Variants in TMCC1 observed in about 807,000 individuals in gnomAD.
TMCC1 encodes the protein transmembrane and coiled-coil domains protein 1.
Under a neutral mutation model 52.4 loss-of-function variants are expected in TMCC1, and 15 were observed. The ratio of observed to expected loss-of-function variants is 0.29; its 90% CI spans 0.19 to 0.44. The LOEUF is 0.44. Ranked by LOEUF, TMCC1 falls within the 20% of genes least tolerant of loss-of-function variation. The pLI, the probability that TMCC1 is intolerant of heterozygous loss-of-function variation, is 1.00. For synonymous variants in TMCC1, 279 were observed against 301.9 expected, an observed-to-expected ratio of 0.92 and a Z score of 0.79; for missense variants, 503 against 806.0, an observed-to-expected ratio of 0.62 and a Z score of 4.55.
intron 4 of TMCC1, among the ~76,000 whole-genome samples, chr3:129,804,247 T>G (rs965304863): frequency 3.9e-5 from 6 of 152,228 alleles, no homozygotes; most frequent in Non-Finnish European, 8.8e-5. Flanking sequence ...TAATACTTCT[T>G]GCCTTAAAGT....
chr3:129,671,339 T>C (rs1416474098), intron 4 of TMCC1, 75 bp from the exon 5 acceptor site: 3 of 1,418,586 alleles, frequency 2.1e-6, no homozygotes, highest in Non-Finnish European at 2.8e-6. Flanking sequence ...CCAAAATGTA[T>C]TGGAAATGTG....
chr3:129,648,194 A>G lies in TMCC1; in HGVS notation c.*3287T>C, dbSNP rs772610127. On this transcript the variant is annotated 3_prime_UTR_variant, in exon 7 of 7. Transcript: ENST00000393238. ...GTTTTGTTTTAGTTGCATATTTTCC[A>G]AAGCTGAAAGGCAGCTCCTCATTGG... 1 of 152,258 alleles carries G rather than the reference A, an allele frequency of 6.6e-6. No individual in the cohort carries two copies. The highest frequency in any genetic ancestry group is 2.4e-5 in the African/African-American group (1 of 41,456). The allele number at this position is 152,258 out of a possible 1,614,324, so 9.4% of individuals were successfully genotyped here.
chr3:129,769,418 C>T (rs552200098), intron 4 of TMCC1, among the ~76,000 whole-genome samples: 11 of 151,950 alleles, frequency 7.2e-5, no homozygotes, highest in African/African-American at 1.9e-4. Context: ...TTAGTAGAGA[C>T]GGGGTTTCAC....
chr3:129,862,609 C>G (rs2060445671), intron 2 of TMCC1, among the ~76,000 whole-genome samples: 1 of 152,104 alleles, frequency 6.6e-6, no homozygotes, highest in Non-Finnish European at 1.5e-5. Flanking sequence ...AAAATAAGTG[C>G]TGAATAAATA....
chr3:129,727,045 T>G (rs776959568), intron 4 of TMCC1, among the ~76,000 whole-genome samples: 1 of 151,884 alleles, frequency 6.6e-6, no homozygotes, highest in Admixed American at 6.6e-5. Flanking sequence ...TAAACCATGG[T>G]GTACCCTCCT....
At chr3:129,750,924 G>C (rs572673762) in intron 4 of TMCC1, among the ~76,000 whole-genome samples, 1 of 149,562 alleles carries the variant, frequency 6.7e-6, no homozygotes, top group South Asian at 2.3e-4. Flanking sequence ...AAAAGGTCTG[G>C]CACAGTGGCT....
chr3:129,694,161 TGAGA>T (rs1576472167), intron 4 of TMCC1, among the ~76,000 whole-genome samples: 1 of 152,192 alleles, frequency 6.6e-6, no homozygotes, highest in Admixed American at 6.5e-5. Context: ...TGAAATCTGG[TGAGA>T]GAGTTTCTCA....
intron 2 of TMCC1, among the ~76,000 whole-genome samples, chr3:129,872,503 A>G (rs1560591809): frequency 6.6e-6 from 1 of 152,192 alleles, no homozygotes; most frequent in Non-Finnish European, 1.5e-5. Flanking sequence ...TATGCACACT[A>G]AAGTTCACGA....
chr3:129,685,547 C>A (rs569378551), intron 4 of TMCC1, among the ~76,000 whole-genome samples: 2 of 152,152 alleles, frequency 1.3e-5, no homozygotes, highest in Non-Finnish European at 2.9e-5. Flanking sequence ...GCAGAACAGT[C>A]CAGAAGAAGA....
chr3:129,866,200 T>C (rs1320718184), intron 2 of TMCC1, among the ~76,000 whole-genome samples: 2 of 149,866 alleles, frequency 1.3e-5, no homozygotes, highest in East Asian at 1.9e-4. Flanking sequence ...CTCTCATTTG[T>C]TTCCTAATGG....
chr3:129,845,391 C>T (rs910057905), intron 2 of TMCC1, among the ~76,000 whole-genome samples: 31 of 152,228 alleles, frequency 2.0e-4, no homozygotes, highest in African/African-American at 7.2e-4. Context: ...ATAAATATCT[C>T]CATGTCTACA....
At chr3:129,703,347 C>T (rs1212006120) in intron 4 of TMCC1, among the ~76,000 whole-genome samples, 2 of 152,308 alleles carry the variant, frequency 1.3e-5, no homozygotes, top group East Asian at 3.9e-4. Context: ...ATCCAAATGG[C>T]CAATTTCTCA....
chr3:129,818,453 AGAAAC>A, intron 4 of TMCC1, among the ~76,000 whole-genome samples: 6 of 141,016 alleles, frequency 4.3e-5, no homozygotes, highest in African/African-American at 1.6e-4. Context: ...AAAGTTTTAA[AGAAAC>A]TTTTAAAGAA....
At chr3:129,662,121 AT>A (rs1170927521) in intron 5 of TMCC1, among the ~76,000 whole-genome samples, 1 of 152,132 alleles carries the variant, frequency 6.6e-6, no homozygotes, top group African/African-American at 2.4e-5. Flanking sequence ...GCTTTAAGGA[AT>A]TTTAACCCCT....
At chr3:129,744,148 C>G (rs991384602) in intron 4 of TMCC1, among the ~76,000 whole-genome samples, 3 of 152,088 alleles carry the variant, frequency 2.0e-5, no homozygotes, top group Admixed American at 2.0e-4. Flanking sequence ...ATATCTGAAC[C>G]TTACAATTTC....
intron 2 of TMCC1, among the ~76,000 whole-genome samples, chr3:129,837,940 G>A (rs1207728235): frequency 6.6e-6 from 1 of 152,140 alleles, no homozygotes. Flanking sequence ...TTGAAAATAG[G>A]CTAGTAGAAA....
At chr3:129,732,864 T>G (rs2050652191) in intron 4 of TMCC1, among the ~76,000 whole-genome samples, 1 of 152,200 alleles carries the variant, frequency 6.6e-6, no homozygotes, top group Non-Finnish European at 1.5e-5. Flanking sequence ...AGAAAAAGTT[T>G]CTGTACTTTC....
At chr3:129,709,497 A>G (rs113670887) in intron 4 of TMCC1, among the ~76,000 whole-genome samples, 89 of 64,066 alleles carry the variant, frequency 1.4e-3, no homozygotes, top group East Asian at 2.3e-3. Context: ...AAAAAAAAAA[A>G]AGAGAGAGAG....
chr3:129,681,856 T>C (rs1335003306), intron 4 of TMCC1, among the ~76,000 whole-genome samples: 2 of 149,942 alleles, frequency 1.3e-5, no homozygotes, highest in African/African-American at 4.9e-5. Context: ...TGTAGTGAGC[T>C]GAGATCATAC....
Sources: allele counts gnomAD v4.1 joint callset (sites outside exome capture counted in the v4.1 genomes callset), GRCh38; gene constraint gnomAD v4.1.1; transcripts MANE v1.5; gene names NCBI Gene and HGNC (gene_info 2026-07-23, HGNC 2026-07-21).